Variants in SCN4A observed in about 807,000 individuals in gnomAD.
SCN4A encodes the protein sodium voltage-gated channel alpha subunit 4.
A neutral mutation model predicts 162.0 loss-of-function variants in SCN4A; 83 were observed. The ratio of observed to expected loss-of-function variants is 0.51; its 90% CI spans 0.43 to 0.61. SCN4A has a LOEUF of 0.61. Among genes scored for constraint, SCN4A ranks in the 20% least tolerant of loss-of-function variants. SCN4A has a pLI of 0.00. For synonymous variants in SCN4A, 944 were observed against 985.1 expected, an observed-to-expected ratio of 0.96 and a Z score of 0.78; for missense variants, 2,196 against 2,462.5, an observed-to-expected ratio of 0.89 and a Z score of 2.29.
intron 6 of SCN4A, among the ~76,000 whole-genome samples, chr17:63,967,410 C>T (rs1356142956): frequency 6.6e-6 from 1 of 152,056 alleles, no homozygotes; most frequent in Non-Finnish European, 1.5e-5. Flanking sequence ...GCCTCGCCCT[C>T]CCAAAGTGCT....
chr17:63,952,667 T>C (rs1908951504), intron 13 of SCN4A, among the ~76,000 whole-genome samples: 1 of 152,162 alleles, frequency 6.6e-6, no homozygotes, highest in Non-Finnish European at 1.5e-5. Context: ...CTATTTACCC[T>C]CTTTTCTCCT....
chr17:63,970,467 G>A (rs938324160), intron 5 of SCN4A, among the ~76,000 whole-genome samples: 1 of 152,082 alleles, frequency 6.6e-6, no homozygotes, highest in Admixed American at 6.6e-5. Flanking sequence ...TCCAGAATCT[G>A]TGCTTTTTTC....
intron 9 of SCN4A, 55 bp from the exon 10 acceptor site, chr17:63,963,880 G>A: frequency 6.7e-7 from 1 of 1,488,542 alleles, no homozygotes; most frequent in South Asian, 1.2e-5. Flanking sequence ...CAGAGGGATG[G>A]ACTAATTGAC....
At chr17:63,946,609 G>C (rs1368901559) in intron 18 of SCN4A, among the ~76,000 whole-genome samples, 1 of 152,062 alleles carries the variant, frequency 6.6e-6, no homozygotes, top group Non-Finnish European at 1.5e-5. Context: ...TGAGGGGAAG[G>C]CTCAGAGCCA....
intron 9 of SCN4A, 118 bp from the exon 10 acceptor site, chr17:63,963,943 G>T: frequency 2.9e-6 from 3 of 1,029,722 alleles, no homozygotes; most frequent in African/African-American, 1.6e-5. Context: ...TTCCTGGCCT[G>T]TGTCAAACTT....
At chr17:63,949,612 C>T in intron 14 of SCN4A, 84 bp from the exon 15 acceptor site, 1 of 1,447,700 alleles carries the variant, frequency 6.9e-7, no homozygotes, top group Non-Finnish European at 9.3e-7. Context: ...GATGGGAGAC[C>T]AGAAGGGAAG....
chr17:63,946,941 T>C (rs2144781334), intron 18 of SCN4A, 104 bp downstream of exon 18: 1 of 1,162,042 alleles, frequency 8.6e-7, no homozygotes, highest in East Asian at 2.6e-5. Flanking sequence ...GCTCTCTGCT[T>C]CCCTCTGGTG....
chr17:63,945,208 A>G lies in SCN4A; in HGVS notation c.3721-148T>C. The stretch of plus-strand genomic sequence containing the variant: ...GGCTAGCATCAAATAAAGACCAGAG[A>G]GGTCTAGACACTGCCTGGGGATCCC... On this transcript the variant is annotated intron_variant, in intron 19 of 23. Coordinates refer to ENST00000435607, the MANE Select transcript of SCN4A (RefSeq NM_000334.4). This position sits in a 1 kb window ranked among gnomAD's most constrained non-coding sequence, Gnocchi z 4.4. The G allele has an allele frequency of 1.0e-6, 1 of 995,140 alleles. No individual in the cohort carries two copies. Among genetic ancestry groups the G allele is most frequent in the Non-Finnish European group, 1.5e-6 (1 of 661,806 alleles). The allele number at this position is 995,140 out of a possible 1,614,324, so 61.6% of individuals were successfully genotyped here.
At chr17:63,967,705 G>A (rs531812509) in intron 6 of SCN4A, among the ~76,000 whole-genome samples, 3 of 151,968 alleles carry the variant, frequency 2.0e-5, no homozygotes, top group African/African-American at 7.2e-5. Flanking sequence ...GGCCGAGGTG[G>A]GAAGATCACA....
rs559519225 is a variant in SCN4A, at chr17:63,961,666, C to A, written c.1607-235G>T. On this transcript the variant is annotated intron_variant, in intron 10 of 23. Transcript: ENST00000435607. ...CAAAGCCCCGCGCTCTGAGCGCGGC[C>A]GGCTCCAAGCTCCACCGCCTCAGTG... The A allele has an allele frequency of 5.0e-4, 256 of 513,980 alleles. 3 individuals are homozygous for A. Among genetic ancestry groups the A allele is most frequent in the South Asian group, 2.3e-3 (93 of 39,854 alleles). 31.8% of individuals were successfully genotyped at this position (513,980 alleles called of 1,614,324 possible). A position where few individuals can be genotyped will look rare whatever the true frequency, so the allele number is the denominator to read the frequency against.
At position 63,947,896 on chromosome 17, in the gene SCN4A, G is replaced by C. The variant is rs779189351; in HGVS notation, c.3312C>G (p.Ile1104Met). 54 of 1,613,324 alleles carry C rather than the reference G, an allele frequency of 3.3e-5. No individual in the cohort carries two copies. The highest frequency in any genetic ancestry group is 4.4e-5 in the Non-Finnish European group (52 of 1,179,608). ...TNAWCWLDFLIVDVSIISLVA... is the reference protein window; with the variant it reads ...TNAWCWLDFLMVDVSIISLVA... Reference sequence around the variant, plus strand: ...CCAGCGTGGGGGGACTCACATCCACGATGAGGAAGTCGAGCCAGCACCAGG... The same window carrying C: ...CCAGCGTGGGGGGACTCACATCCACCATGAGGAAGTCGAGCCAGCACCAGG... Residue 1104 changes from isoleucine to methionine, a missense_variant, in exon 17 of 24, where the codon ATC becomes ATG. By Grantham distance (10) the Ile-to-Met change is conservative (BLOSUM62 1). Transcript: ENST00000435607.
chr17:63,961,486 C>G lies in SCN4A; in HGVS notation c.1607-55G>C. On this transcript the variant is annotated intron_variant, in intron 10 of 23. Coordinates refer to ENST00000435607, the MANE Select transcript of SCN4A (RefSeq NM_000334.4). ...TGAGGATTATCCCCTCACGTGCCCCCGGCTCCAGCTAGAGCTTTTGTTCCA... is the reference window on the plus strand; with the variant it reads ...TGAGGATTATCCCCTCACGTGCCCCGGGCTCCAGCTAGAGCTTTTGTTCCA... 9 of 1,303,426 alleles carry G rather than the reference C, an allele frequency of 6.9e-6. No individual in the cohort carries two copies. In the South Asian group the frequency reaches 9.7e-5, roughly 14 times the overall value. The allele number at this position is 1,303,426 out of a possible 1,614,324, so 80.7% of individuals were successfully genotyped here. A position where few individuals can be genotyped will look rare whatever the true frequency, so the allele number is the denominator to read the frequency against.
chr17:63,941,075 C>T lies in SCN4A; in HGVS notation c.5207G>A (p.Arg1736Lys), dbSNP rs766275793. 3 of 1,613,994 alleles carry T rather than the reference C, an allele frequency of 1.9e-6. No individual in the cohort carries two copies. Among genetic ancestry groups the T allele is most frequent in the East Asian group, 2.2e-5 (1 of 44,884 alleles). The part of the protein sequence containing the change: ...HEEVCAIKIQ[R>K]AYRRHLLQRS... ...CTGTAGCAGGTGCCGGCGGTAGGCC[C>T]TCTGGATCTTGATGGCGCACACCTC... The change falls in exon 24 of 24, where the codon AGG becomes AAG. Residue 1736 changes from arginine to lysine, a missense_variant. By Grantham distance (26) the Arg-to-Lys change is conservative. Coordinates refer to ENST00000435607, the MANE Select transcript of SCN4A (RefSeq NM_000334.4). This position sits in a 1 kb window ranked among gnomAD's most constrained non-coding sequence, Gnocchi z 6.2.
At position 63,961,175 on chromosome 17, in the gene SCN4A, T is replaced by TCCCCCCCCCCCCCCCCCCCC; in HGVS notation, c.1845+17_1845+18insGGGGGGGGGGGGGGGGGGGG. On this transcript the variant is annotated intron_variant, in intron 11 of 23. Transcript: ENST00000435607. ...CCCATCCTGCCCATGAATGATCCCCTCCCCCGCCCCTCCCTACCAGGTTGC... is the reference window on the plus strand; with the variant it reads ...CCCATCCTGCCCATGAATGATCCCCTCCCCCCCCCCCCCCCCCCCCCCCCCGCCCCTCCCTACCAGGTTGC... 3.4e-6 allele frequency: 1 copy of TCCCCCCCCCCCCCCCCCCCC among 298,154 alleles called. No homozygotes were observed. The highest frequency in any genetic ancestry group is 3.6e-5 in the Admixed American group (1 of 27,958). The allele number at this position is 298,154 out of a possible 1,614,324, so 18.5% of individuals were successfully genotyped here.
At chr17:63,953,149 A>G (rs150621981) in intron 13 of SCN4A, among the ~76,000 whole-genome samples, 2,453 of 152,308 alleles carry the variant, frequency 0.016, 62 homozygotes, top group African/African-American at 0.056. Context: ...TCACGAGGTC[A>G]GGAGATCAAG....
At position 63,971,218 on chromosome 17, in the gene SCN4A, G is replaced by C; in HGVS notation, c.647C>G (p.Ser216Ter). The C allele has an allele frequency of 6.4e-7, 1 of 1,563,012 alleles. No homozygotes were observed. The highest frequency in any genetic ancestry group is 8.7e-7 in the Non-Finnish European group (1 of 1,152,628). Residue 216 changes from serine (S) to a stop codon, truncating the protein, a stop_gained, in exon 5 of 24, where the codon TCA becomes TGA. Coordinates refer to ENST00000435607, the MANE Select transcript of SCN4A (RefSeq NM_000334.4). LOFTEE classifies it high-confidence loss of function. ...CAGCACCCGGAAGGTCCTCAGGGCTGAGATGTTGCCCAAGTCCACAAACTC... is the reference window on the plus strand; with the variant it reads ...CAGCACCCGGAAGGTCCTCAGGGCTCAGATGTTGCCCAAGTCCACAAACTC... ...LTEFVDLGNISALRTFRVLRA... is the reference protein window; with the variant it reads ...LTEFVDLGNI
In SCN4A at chr17:63,939,905, C is replaced by A. The variant is rs1908465088; in HGVS notation, c.*866G>T. 6.6e-6 allele frequency: 1 copy of A among 152,204 alleles called. No individual in the cohort carries two copies. The highest frequency in any genetic ancestry group is 1.5e-5 in the Non-Finnish European group (1 of 68,046). 9.4% of individuals were successfully genotyped at this position (152,204 alleles called of 1,614,324 possible). ...GAGGGAAGGGGCGAGAATCTTCTTA[C>A]TGAGCAGCAGGTCCCTGACTCCCGC... is the stretch of plus-strand genomic sequence containing the variant. On this transcript the variant is annotated 3_prime_UTR_variant, in exon 24 of 24. Transcript: ENST00000435607.
Position 63,951,402 on chromosome 17 carries a change from C to A in SCN4A, c.2853+22G>T. ...CAGGAGAATTTGAAGCCGGGTCTGT[C>A]TGAGCCCCAGCCCCGGCTCACCTTG... On this transcript the variant is annotated intron_variant, in intron 14 of 23. Transcript: ENST00000435607. This position sits in a 1 kb window ranked among gnomAD's most constrained non-coding sequence, Gnocchi z 4.5. The A allele has an allele frequency of 6.6e-7, 1 of 1,521,976 alleles. No individual in the cohort carries two copies. Among genetic ancestry groups the A allele is most frequent in the South Asian group, 1.2e-5 (1 of 82,100 alleles). The allele number at this position is 1,521,976 out of a possible 1,614,324, so 94.3% of individuals were successfully genotyped here.
rs757881584 is a variant in SCN4A, at chr17:63,949,493, G to T, written c.2889C>A (p.Ser963=). 7.4e-6 allele frequency: 12 copies of T among 1,612,270 alleles called. No homozygotes were observed. Among genetic ancestry groups the T allele is most frequent in the Admixed American group, 1.7e-5 (1 of 59,882 alleles). The change falls in exon 15 of 24, where the codon TCC becomes TCA. Residue 963 remains serine (S), a synonymous_variant. Transcript: ENST00000435607. ...GCTTGTAGTCAGCTGTGCTGCAGAC[G>T]GACGAGTTCCCATCATAGAGAGGCT... The part of the protein sequence containing the change: ...PPQPLYDGNS[S]VCSTADYKPP...
Sources: gnomAD v4.1 joint callset for allele counts (sites outside exome capture counted in the v4.1 genomes callset) on GRCh38, gnomAD v4.1.1 for gene constraint, Gnocchi (gnomAD v3.1) non-coding constraint, MANE v1.5 for transcripts, NCBI Gene and HGNC (gene_info 2026-07-23, HGNC 2026-07-21) for gene names.